HIVEP1: variants seen among roughly 807,000 people sequenced by gnomAD.
HIVEP1 encodes the protein zinc finger protein 40.
Under a neutral mutation model 180.0 loss-of-function variants are expected in HIVEP1, and 36 were observed. The ratio of observed to expected loss-of-function variants is 0.20; its 90% CI spans 0.15 to 0.26. The LOEUF (loss-of-function observed/expected upper bound fraction) is 0.26, where lower values mean the gene tolerates loss of function less well. HIVEP1 is among the 10% of genes least tolerant of loss of function. HIVEP1 has a pLI of 1.00. For synonymous variants in HIVEP1, 1,239 were observed against 1,239.0 expected, an observed-to-expected ratio of 1.00 and a Z score of 0.00; for missense variants, 3,143 against 3,268.7, an observed-to-expected ratio of 0.96 and a Z score of 0.94.
chr6:12,165,042 G>A (rs1324392171), downstream of HIVEP1: 10 of 472,676 alleles, frequency 2.1e-5, no homozygotes, highest in East Asian at 5.2e-4. Flanking sequence ...CCAGTGATCA[G>A]TGATCTGCAT....
chr6:12,127,315 C>T (rs1758143441), intron 4 of HIVEP1, among the ~76,000 whole-genome samples: 1 of 152,260 alleles, frequency 6.6e-6, no homozygotes, highest in East Asian at 1.9e-4. Context: ...TGGTGGAGAA[C>T]CAATGATACT....
chr6:12,159,217 C>T (rs1003453112), intron 7 of HIVEP1, among the ~76,000 whole-genome samples: 19 of 151,414 alleles, frequency 1.3e-4, no homozygotes, highest in African/African-American at 3.9e-4. Context: ...TGCGCGCGCG[C>T]GTGCACGTGC....
chr6:12,135,763 A>C, intron 6 of HIVEP1, 28 bp from the exon 7 acceptor site: 2 of 1,424,670 alleles, frequency 1.4e-6, no homozygotes. Context: ...ATACTACTTA[A>C]GCTTAGTAAA....
intron 7 of HIVEP1, among the ~76,000 whole-genome samples, chr6:12,146,166 G>A (rs1336922438): frequency 1.3e-5 from 2 of 152,168 alleles, no homozygotes; most frequent in African/African-American, 4.8e-5. Context: ...TAGTCGGCCG[G>A]GTGCAGTGGC....
In HIVEP1 at chr6:12,161,925, C is replaced by T. The variant is rs1179491501; in HGVS notation, c.6974C>T (p.Thr2325Ile). The T allele has an allele frequency of 4.4e-6, 7 of 1,604,128 alleles. No individual in the cohort carries two copies. The highest frequency in any genetic ancestry group is 6.0e-6 in the Non-Finnish European group (7 of 1,173,580). ...SSMAGKAVAI[T>I]QSPSSVRLPP... ...ATGGCAGGAAAAGCTGTTGCTATAA[C>T]ACAGGTAAATGATTGGCAGTTGTTC... The change falls in exon 8 of 9, where the codon ACA becomes ATA. Residue 2325 changes from threonine (T) to isoleucine (I), a missense_variant. By Grantham distance (89) the Thr-to-Ile change is moderately conservative (BLOSUM62 -1). This residue lies in a region of HIVEP1 where 595 missense variants were observed against 602.2 expected (regional missense o/e 0.99). Transcript: ENST00000379388.
At chr6:12,203,612 A>T in the HIVEP1 span, among the ~76,000 whole-genome samples, 1 of 151,914 alleles carries the variant, frequency 6.6e-6, no homozygotes, top group East Asian at 1.9e-4. Context: ...AGGAAGAGAC[A>T]AAAAAAAGTC....
chr6:12,211,898 T>C, the HIVEP1 span, among the ~76,000 whole-genome samples: 1 of 152,200 alleles, frequency 6.6e-6, no homozygotes, highest in South Asian at 2.1e-4. Flanking sequence ...GGAGAAATAT[T>C]TCTGTACCCT....
At chr6:12,195,573 A>G in the HIVEP1 span, among the ~76,000 whole-genome samples, 1 of 152,202 alleles carries the variant, frequency 6.6e-6, no homozygotes, top group Non-Finnish European at 1.5e-5. Context: ...TCCTATACAC[A>G]TTTTACAGAT....
intron 2 of HIVEP1, among the ~76,000 whole-genome samples, chr6:12,083,554 A>G (rs1335985240): frequency 6.6e-6 from 1 of 152,072 alleles, no homozygotes; most frequent in Non-Finnish European, 1.5e-5. Flanking sequence ...GGGTTAGGAA[A>G]AGAATGCCAG....
At chr6:12,158,106 T>A (rs999074870) in intron 7 of HIVEP1, among the ~76,000 whole-genome samples, 3 of 152,210 alleles carry the variant, frequency 2.0e-5, no homozygotes, top group African/African-American at 7.2e-5. Flanking sequence ...TGACTGTGGT[T>A]CTGATTATTG....
intron 2 of HIVEP1, among the ~76,000 whole-genome samples, chr6:12,058,197 T>C (rs1770997670): frequency 6.6e-6 from 1 of 152,112 alleles, no homozygotes; most frequent in African/African-American, 2.4e-5. Context: ...CTGAGAGTGT[T>C]TGTCAGTGTC....
chr6:12,058,960 T>G (rs1051357660), intron 2 of HIVEP1, among the ~76,000 whole-genome samples: 2 of 152,072 alleles, frequency 1.3e-5, no homozygotes, highest in Non-Finnish European at 2.9e-5. Flanking sequence ...TTTTTTTTCT[T>G]TTTTGGAGAC....
Position 12,124,166 on chromosome 6 carries a change from C to T in HIVEP1, c.4371C>T (p.Pro1457=). The stretch of plus-strand genomic sequence containing the variant: ...CATCTTTCCAAAATACTGCTCTTCC[C>T]AGTGTGAATGCAGTGCCATATCAGG... ...HPTSFQNTAL[P]SVNAVPYQGP... is the part of the protein sequence containing the mutation. The change falls in exon 4 of 9, where the codon CCC becomes CCT. Residue 1457 remains proline (P), a synonymous_variant. Transcript: ENST00000379388. The T allele has an allele frequency of 1.2e-6, 2 of 1,613,978 alleles. No homozygotes were observed. The highest frequency in any genetic ancestry group is 1.7e-6 in the Non-Finnish European group (2 of 1,179,904).
chr6:12,179,627 G>A, the HIVEP1 span, among the ~76,000 whole-genome samples: 1 of 152,174 alleles, frequency 6.6e-6, no homozygotes, highest in South Asian at 2.1e-4. Flanking sequence ...TCAAGGCCAA[G>A]GTTGCTCTCC....
intron 2 of HIVEP1, among the ~76,000 whole-genome samples, chr6:12,051,811 A>C (rs1770562589): frequency 6.6e-6 from 1 of 152,114 alleles, no homozygotes; most frequent in African/African-American, 2.4e-5. Context: ...TGTGCTTTTT[A>C]CTTTTAGTCA....
intron 7 of HIVEP1, among the ~76,000 whole-genome samples, chr6:12,144,172 C>T (rs898729136): frequency 1.3e-5 from 2 of 152,058 alleles, no homozygotes; most frequent in Non-Finnish European, 2.9e-5. Flanking sequence ...GTACTGGTAC[C>T]AAAACAGATA....
In HIVEP1 at chr6:12,163,271, C is replaced by T; in HGVS notation, c.6979-12C>T. Reference sequence around the variant, plus strand: ...ACCTGTCATAAAAGGATTGCTCTCTCTTGTCATTTAGAGCCCATCATCTGT... The same window carrying T: ...ACCTGTCATAAAAGGATTGCTCTCTTTTGTCATTTAGAGCCCATCATCTGT... On this transcript the variant is annotated splice_polypyrimidine_tract_variant and intron_variant, in intron 8 of 8. Transcript: ENST00000379388. 1.3e-6 allele frequency: 2 copies of T among 1,597,998 alleles called. No individual in the cohort carries two copies. The highest frequency in any genetic ancestry group is 1.7e-6 in the Non-Finnish European group (2 of 1,167,634).
At chr6:12,118,682 T>C (rs1009670247) in intron 3 of HIVEP1, among the ~76,000 whole-genome samples, 8 of 152,036 alleles carry the variant, frequency 5.3e-5, no homozygotes, top group African/African-American at 1.9e-4. Flanking sequence ...GTTAAAGTGG[T>C]GATTTTTTTT....
At chr6:12,050,564 C>A (rs980136017) in intron 2 of HIVEP1, among the ~76,000 whole-genome samples, 2 of 150,348 alleles carry the variant, frequency 1.3e-5, no homozygotes, top group Admixed American at 6.6e-5. Context: ...CCAGCCTGGG[C>A]GACAGAGAGA....
Sources: gnomAD v4.1 joint callset for allele counts (sites outside exome capture counted in the v4.1 genomes callset) on GRCh38, gnomAD v4.1.1 for gene constraint, gnomAD v4.1.1 regional missense constraint, MANE v1.5 for transcripts, NCBI Gene and HGNC (gene_info 2026-07-23, HGNC 2026-07-21) for gene names.